The following MBD5 variants were observed in gnomAD, a reference collection of about 807,000 sequenced individuals.
MBD5 encodes the protein methyl-CpG-binding domain protein 5.
Under a neutral mutation model 117.3 loss-of-function variants are expected in MBD5, and 13 were observed. That is an observed-to-expected ratio of 0.11 (90% CI 0.07 to 0.18). The LOEUF is 0.18. MBD5 is among the 10% of genes least tolerant of loss of function. The pLI, the probability that MBD5 is intolerant of heterozygous loss-of-function variation, is 1.00. For missense variants in MBD5, 1,879 were observed against 2,093.8 expected, an observed-to-expected ratio of 0.90 and a Z score of 2.00; for synonymous variants, 727 against 766.4, an observed-to-expected ratio of 0.95 and a Z score of 0.85.
At chr2:148,074,793 C>T (rs1296305518) in intron 1 of MBD5, among the ~76,000 whole-genome samples, 1 of 152,068 alleles carries the variant, frequency 6.6e-6, no homozygotes, top group African/African-American at 2.4e-5. Flanking sequence ...TGAGCCACCA[C>T]ACCCAGCCAG....
chr2:148,332,349 T>C (rs973567423), intron 3 of MBD5, among the ~76,000 whole-genome samples: 8 of 152,158 alleles, frequency 5.3e-5, no homozygotes, highest in Non-Finnish European at 8.8e-5. Flanking sequence ...TTAATAACTG[T>C]CTTGTCATTT....
At chr2:148,023,850 C>G (rs975163903) in intron 1 of MBD5, among the ~76,000 whole-genome samples, 1 of 151,722 alleles carries the variant, frequency 6.6e-6, no homozygotes, top group Non-Finnish European at 1.5e-5. Context: ...CAGACTTTAT[C>G]TAAGTTGGAT....
intron 7 of MBD5, 88 bp from the exon 8 acceptor site, chr2:148,468,253 C>G: frequency 9.0e-7 from 1 of 1,115,016 alleles, no homozygotes; most frequent in East Asian, 2.5e-5. Flanking sequence ...CTCCCTCTCC[C>G]TTCCTGATTT....
In MBD5 at chr2:148,485,874, A is replaced by G. The variant is rs761395486; in HGVS notation, c.3677A>G (p.Gln1226Arg). The G allele has an allele frequency of 2.5e-6, 4 of 1,614,018 alleles. No homozygotes were observed. The highest frequency in any genetic ancestry group is 3.4e-6 in the Non-Finnish European group (4 of 1,180,004). Reference sequence around the variant, plus strand: ...CTTCTCCAGGGGTACCAGAATCTCCAGGCGTTCCAAGGACAGTCCACAATT... The same window carrying G: ...CTTCTCCAGGGGTACCAGAATCTCCGGGCGTTCCAAGGACAGTCCACAATT... The part of the protein sequence containing the change: ...QQLLQGYQNL[Q>R]AFQGQSTIPC... The change falls in exon 10 of 14, where the codon CAG (glutamine) becomes CGG (arginine). Residue 1226 changes from glutamine (Q) to arginine (R), a missense_variant. Around this residue, in one of 4 missense-constraint regions of MBD5, gnomAD observed 1,666 missense variants for 1,792.2 expected, o/e 0.93. Coordinates refer to ENST00000642680, the MANE Select transcript of MBD5 (RefSeq NM_001378120.1).
Position 148,071,658 on chromosome 2 carries a change from G to A in MBD5, c.-925+49974G>A, listed in dbSNP as rs1023859679. The A allele has an allele frequency of 2.6e-5, 4 of 152,070 alleles. 1 individual carries two copies. Among genetic ancestry groups the A allele is most frequent in the African/African-American group, 2.4e-5 (1 of 41,408 alleles). The allele number at this position is 152,070 out of a possible 1,614,324, so 9.4% of individuals were successfully genotyped here. ...CAGATCATTAAAAGAAAAGATATTT[G>A]CTCTGTGATAATTCAGCATTACGTT... On this transcript the variant is annotated intron_variant, in intron 1 of 13. Transcript: ENST00000642680.
intron 2 of MBD5, among the ~76,000 whole-genome samples, chr2:148,194,925 A>T (rs943901370): frequency 6.6e-6 from 1 of 152,198 alleles, no homozygotes; most frequent in Non-Finnish European, 1.5e-5. Flanking sequence ...CATCAGACTG[A>T]TAAAAACCCA....
intron 2 of MBD5, among the ~76,000 whole-genome samples, chr2:148,216,206 A>C (rs1263371986): frequency 6.6e-6 from 1 of 152,146 alleles, no homozygotes. Context: ...ATGGGTGCAA[A>C]TTTGAAAATA....
chr2:148,220,755 T>C (rs1455557085), intron 2 of MBD5, among the ~76,000 whole-genome samples: 1 of 152,154 alleles, frequency 6.6e-6, no homozygotes, highest in Non-Finnish European at 1.5e-5. Context: ...TACAATCAAA[T>C]TATACTTTTA....
intron 3 of MBD5, among the ~76,000 whole-genome samples, chr2:148,290,713 A>G (rs1046766854): frequency 1.3e-5 from 2 of 152,190 alleles, no homozygotes; most frequent in Admixed American, 6.5e-5. Context: ...TCTATTACCA[A>G]ATAATATTTC....
intron 4 of MBD5, among the ~76,000 whole-genome samples, chr2:148,407,876 C>A (rs148266371): frequency 6.6e-5 from 10 of 152,098 alleles, no homozygotes; most frequent in Non-Finnish European, 1.2e-4. Flanking sequence ...TGTCAACATC[C>A]GTTTTCTGAT....
chr2:148,344,743 T>C (rs1390078972), intron 4 of MBD5, among the ~76,000 whole-genome samples: 2 of 151,974 alleles, frequency 1.3e-5, no homozygotes, highest in Non-Finnish European at 2.9e-5. Context: ...AATCATATCA[T>C]CCTATTGCAG....
At chr2:148,346,321 A>G (rs1264019529) in intron 4 of MBD5, 2 of 152,056 alleles carry the variant, frequency 1.3e-5, no homozygotes, top group Non-Finnish European at 2.9e-5. Flanking sequence ...AAACACAAAT[A>G]ACATCTGTCA....
chr2:148,048,740 A>T (rs1402191114), intron 1 of MBD5, among the ~76,000 whole-genome samples: 2 of 152,174 alleles, frequency 1.3e-5, no homozygotes, highest in Non-Finnish European at 2.9e-5. Context: ...AATGGAGTAG[A>T]AAACAGAGGA....
intron 1 of MBD5, among the ~76,000 whole-genome samples, chr2:148,107,753 C>A (rs1696406597): frequency 6.6e-6 from 1 of 151,824 alleles, no homozygotes; most frequent in Non-Finnish European, 1.5e-5. Context: ...TGTAGTAATT[C>A]TAATACCTCC....
intron 3 of MBD5, among the ~76,000 whole-genome samples, chr2:148,330,908 T>G (rs1399619178): frequency 6.6e-6 from 1 of 152,166 alleles, no homozygotes; most frequent in Non-Finnish European, 1.5e-5. Context: ...AAATGAAGAT[T>G]TTACAGATAA....
intron 1 of MBD5, among the ~76,000 whole-genome samples, chr2:148,121,482 T>C (rs1013346649): frequency 2.0e-5 from 3 of 152,110 alleles, no homozygotes; most frequent in Admixed American, 2.0e-4. Flanking sequence ...TCTATGGCTA[T>C]ATATCTAGCA....
chr2:148,090,884 C>A (rs569332118), intron 1 of MBD5, among the ~76,000 whole-genome samples: 1 of 152,038 alleles, frequency 6.6e-6, no homozygotes, highest in African/African-American at 2.4e-5. Context: ...AAGAGGAAGT[C>A]AAACTATCGC....
chr2:148,294,391 A>AT (rs1466124516), intron 3 of MBD5, among the ~76,000 whole-genome samples: 1 of 148,754 alleles, frequency 6.7e-6, no homozygotes. Flanking sequence ...CGCCCGGCTA[A>AT]TTTTTTGTAT....
intron 1 of MBD5, among the ~76,000 whole-genome samples, chr2:148,091,005 C>CAGT (rs201690299): frequency 6.6e-6 from 1 of 152,062 alleles, no homozygotes; most frequent in East Asian, 1.9e-4. Context: ...GTGCACAAGT[C>CAGT]AGTAGCACTG....
Sources: gnomAD v4.1 joint callset for allele counts (sites outside exome capture counted in the v4.1 genomes callset) on GRCh38, gnomAD v4.1.1 for gene constraint, gnomAD v4.1.1 regional missense constraint, MANE v1.5 for transcripts, NCBI Gene and HGNC (gene_info 2026-07-23, HGNC 2026-07-21) for gene names.